Variants in CADM2 observed in about 807,000 individuals in gnomAD.
CADM2 encodes cell adhesion molecule 2.
CADM2 carries 12 observed loss-of-function variants against 49.8 expected under a neutral mutation model. The observed-to-expected ratio is 0.24, with a 90% confidence interval of 0.15 to 0.39. The LOEUF is 0.39. Among genes scored for constraint, CADM2 ranks in the 10% least tolerant of loss-of-function variants. The pLI, the probability that CADM2 is intolerant of heterozygous loss-of-function variation, is 1.00. For synonymous variants in CADM2, 214 were observed against 175.4 expected, an observed-to-expected ratio of 1.22 and a Z score of -1.74; for missense variants, 378 against 492.3, an observed-to-expected ratio of 0.77 and a Z score of 2.20.
At chr3:85,461,389 T>C (rs2038237280) in intron 1 of CADM2, among the ~76,000 whole-genome samples, 1 of 152,186 alleles carries the variant, frequency 6.6e-6, no homozygotes, top group Non-Finnish European at 1.5e-5. Context: ...TTATTTGAAG[T>C]GTAAGTTTCT....
intron 1 of CADM2, among the ~76,000 whole-genome samples, chr3:84,961,511 C>G (rs541238141): frequency 6.6e-6 from 1 of 152,286 alleles, no homozygotes; most frequent in South Asian, 2.1e-4. Context: ...ACACAAGTAA[C>G]CCGGGTGTCT....
intron 6 of CADM2, among the ~76,000 whole-genome samples, chr3:85,930,987 T>C (rs910955501): frequency 6.6e-6 from 1 of 151,320 alleles, no homozygotes; most frequent in Non-Finnish European, 1.5e-5. Flanking sequence ...CTTGTTAATG[T>C]ACCTTCTAAA....
At chr3:85,937,716 C>T (rs1315845261) in intron 7 of CADM2, among the ~76,000 whole-genome samples, 3 of 151,904 alleles carry the variant, frequency 2.0e-5, no homozygotes, top group Non-Finnish European at 2.9e-5. Context: ...TGTTGCCATC[C>T]TCCTTTATTA....
chr3:86,028,390 C>T (rs563178955), intron 8 of CADM2, among the ~76,000 whole-genome samples: 20 of 152,218 alleles, frequency 1.3e-4, no homozygotes, highest in South Asian at 1.0e-3. Flanking sequence ...AATGCTTCCA[C>T]TCTAATAAAT....
intron 1 of CADM2, among the ~76,000 whole-genome samples, chr3:85,585,676 T>C (rs1282282166): frequency 1.3e-5 from 2 of 152,044 alleles, no homozygotes; most frequent in African/African-American, 2.4e-5. Context: ...TATCAAAATT[T>C]GCTGTGTAGG....
intron 1 of CADM2, among the ~76,000 whole-genome samples, chr3:85,081,245 C>G (rs947743038): frequency 6.6e-6 from 1 of 152,016 alleles, no homozygotes; most frequent in Non-Finnish European, 1.5e-5. Context: ...CAGACAAATA[C>G]GCATTGAAAT....
chr3:85,982,133 G>T (rs1727553620), intron 8 of CADM2, among the ~76,000 whole-genome samples: 1 of 151,490 alleles, frequency 6.6e-6, no homozygotes, highest in Non-Finnish European at 1.5e-5. Flanking sequence ...TCATATGCTT[G>T]TTAGCCACAC....
At position 85,523,085 on chromosome 3, in the gene CADM2, G is replaced by A. The variant is rs1214241558; in HGVS notation, c.62-203437G>A. Among the ~76,000 whole-genome samples, 10 of 151,824 alleles carry A rather than the reference G, an allele frequency of 6.6e-5. No individual in the cohort carries two copies. The East Asian group carries it at 1.5e-3, about 24-fold the overall frequency. On this transcript the variant is annotated intron_variant, in intron 1 of 9. Transcript: ENST00000383699. ...CATTTGCTAGATTAAATTTACATTA[G>A]TGTGTATATATTGCCTACAAGCTGT... is the stretch of plus-strand genomic sequence containing the variant.
chr3:85,826,009 T>C (rs961399600), intron 3 of CADM2, among the ~76,000 whole-genome samples: 2 of 152,060 alleles, frequency 1.3e-5, no homozygotes, highest in African/African-American at 4.8e-5. Context: ...AATTGTTATG[T>C]TTTACAATTT....
chr3:85,114,400 C>A (rs914950804), intron 1 of CADM2, among the ~76,000 whole-genome samples: 6 of 152,044 alleles, frequency 3.9e-5, no homozygotes, highest in African/African-American at 1.2e-4. Context: ...GTAGTTGGTT[C>A]TCTTGTCACC....
chr3:85,859,674 C>T (rs932652371), intron 3 of CADM2, among the ~76,000 whole-genome samples: 5 of 152,208 alleles, frequency 3.3e-5, no homozygotes, highest in Non-Finnish European at 5.9e-5. Context: ...AATCTAATTT[C>T]GGTCAATACT....
rs767929617 is a variant in CADM2, at chr3:85,961,500, G to A, written c.823G>A (p.Gly275Arg). The change falls in exon 8 of 10, where the codon GGA (glycine) becomes AGA (arginine). Residue 275 changes from glycine (G) to arginine (R), a missense_variant. Coordinates refer to ENST00000383699, the MANE Select transcript of CADM2 (RefSeq NM_001167675.2). ...PEPVLWTKDG[G>R]ELPDPDRMVV... ...ACCTGTTTTGTGGACAAAGGATGGCGGAGAATTACCAGATCCTGACCGAAT... is the reference window on the plus strand; with the variant it reads ...ACCTGTTTTGTGGACAAAGGATGGCAGAGAATTACCAGATCCTGACCGAAT... The A allele has an allele frequency of 2.4e-5, 38 of 1,605,274 alleles. No individual in the cohort carries two copies. Among genetic ancestry groups the A allele is most frequent in the Non-Finnish European group, 2.9e-5 (34 of 1,173,970 alleles).
chr3:84,978,772 A>G (rs886083220), intron 1 of CADM2, among the ~76,000 whole-genome samples: 10 of 152,232 alleles, frequency 6.6e-5, no homozygotes, highest in Admixed American at 6.5e-5. Flanking sequence ...ATATGAAAAC[A>G]ATAAAACCAA....
chr3:85,647,968 C>T (rs2064937006), intron 1 of CADM2, among the ~76,000 whole-genome samples: 2 of 151,768 alleles, frequency 1.3e-5, no homozygotes, highest in Non-Finnish European at 3.0e-5. Flanking sequence ...TCTATGTTTC[C>T]TCCATTTATT....
At chr3:86,048,237 G>T (rs1407848941) in intron 8 of CADM2, among the ~76,000 whole-genome samples, 1 of 151,796 alleles carries the variant, frequency 6.6e-6, no homozygotes. Flanking sequence ...TTTGTTTAAA[G>T]ATTTGTACAT....
chr3:85,254,888 C>T (rs1404603844), intron 1 of CADM2, among the ~76,000 whole-genome samples: 1 of 152,082 alleles, frequency 6.6e-6, no homozygotes, highest in East Asian at 1.9e-4. Context: ...TCCAGTGCTT[C>T]CCGTTTGCGG....
At chr3:85,999,688 G>T (rs902446971) in intron 8 of CADM2, among the ~76,000 whole-genome samples, 23 of 151,804 alleles carry the variant, frequency 1.5e-4, no homozygotes, top group Non-Finnish European at 2.9e-4. Context: ...AGAAAGAAAA[G>T]AAAGAATGAA....
intron 1 of CADM2, among the ~76,000 whole-genome samples, chr3:85,075,522 A>ATT (rs2036911762): frequency 6.6e-6 from 1 of 152,208 alleles, no homozygotes; most frequent in Non-Finnish European, 1.5e-5. Flanking sequence ...CAGAAAATGT[A>ATT]AAGAAAAACT....
chr3:85,564,199 C>CTCTCTCTCT (rs1215002052), intron 1 of CADM2, among the ~76,000 whole-genome samples: 3 of 142,500 alleles, frequency 2.1e-5, no homozygotes, highest in South Asian at 2.3e-4. Flanking sequence ...CTCTCTCTCT[C>CTCTCTCTCT]CATTTTAAAA....
Sources: gnomAD v4.1 joint callset for allele counts (sites outside exome capture counted in the v4.1 genomes callset) on GRCh38, gnomAD v4.1.1 for gene constraint, MANE v1.5 for transcripts, NCBI Gene and HGNC (gene_info 2026-07-23, HGNC 2026-07-21) for gene names.